The following FANCL variants were observed in gnomAD, a reference collection of about 807,000 sequenced individuals.
FANCL encodes E3 ubiquitin-protein ligase FANCL.
FANCL carries 69 observed loss-of-function variants against 59.4 expected under a neutral mutation model. That is an observed-to-expected ratio of 1.16 (90% CI 0.96 to 1.42). The LOEUF (loss-of-function observed/expected upper bound fraction) is 1.42. Ranked by LOEUF, FANCL falls within the 40% of genes most tolerant of loss-of-function variation. The probability of loss-of-function intolerance (pLI) is 0.00; values close to 1 mark genes in which losing one functional copy is unlikely to be tolerated. For missense variants in FANCL, 519 were observed against 447.2 expected, an observed-to-expected ratio of 1.16 and a Z score of -1.45; for synonymous variants, 180 against 147.1, an observed-to-expected ratio of 1.22 and a Z score of -1.62.
chr2:58,235,023 G>A (rs536882188), intron 1 of FANCL, among the ~76,000 whole-genome samples: 2 of 151,924 alleles, frequency 1.3e-5, no homozygotes, highest in Non-Finnish European at 2.9e-5. Context: ...TTCTATGATG[G>A]GAGTATTTTC....
At chr2:58,179,539 A>G (rs558634553) in intron 7 of FANCL, among the ~76,000 whole-genome samples, 64 of 152,356 alleles carry the variant, frequency 4.2e-4, no homozygotes, top group African/African-American at 1.5e-3. Context: ...CATATGCAGA[A>G]AACTCAAACG....
At chr2:58,197,488 T>C (rs987609975) in intron 7 of FANCL, among the ~76,000 whole-genome samples, 1 of 152,170 alleles carries the variant, frequency 6.6e-6, no homozygotes, top group African/African-American at 2.4e-5. Context: ...ATTTACTTGG[T>C]GAAAGAACTA....
Position 58,226,717 on chromosome 2 carries a change from A to AC in FANCL, c.273+10_273+11insG. 1.2e-6 allele frequency: 2 copies of AC among 1,612,182 alleles called. No individual in the cohort carries two copies. Among genetic ancestry groups the AC allele is most frequent in the Non-Finnish European group, 1.7e-6 (2 of 1,178,618 alleles). ...TATGGTAACAGTGTCAGAAAAAAAA[A>AC]AAATTCTTACCAAAAGCATCTTCAA... On this transcript the variant is annotated intron_variant, in intron 4 of 13. Coordinates refer to ENST00000233741, the MANE Select transcript of FANCL (RefSeq NM_018062.4).
intron 7 of FANCL, among the ~76,000 whole-genome samples, chr2:58,179,506 C>A (rs553485043): frequency 6.6e-6 from 1 of 151,986 alleles, no homozygotes; most frequent in Non-Finnish European, 1.5e-5. Context: ...ATTTATTAAA[C>A]GGTGTTGGGA....
chr2:58,198,644 C>G lies in FANCL; in HGVS notation c.490G>C (p.Asp164His). The G allele has an allele frequency of 6.2e-7, 1 of 1,613,726 alleles. No homozygotes were observed. Among genetic ancestry groups the G allele is most frequent in the Non-Finnish European group, 8.5e-7 (1 of 1,179,688 alleles). The part of the protein sequence containing the change: ...LKAKYPAESP[D>H]YFVDFPVPFC... The stretch of plus-strand genomic sequence containing the variant: ...GGAACAGGAAAATCCACAAAATAAT[C>G]TGGTGATTCTGCAGGATACTATTAA... The change falls in exon 7 of 14, where the codon GAT becomes CAT. Residue 164 changes from aspartate to histidine, a missense_variant. Transcript: ENST00000233741.
intron 5 of FANCL, among the ~76,000 whole-genome samples, chr2:58,219,919 A>G (rs562522528): frequency 1.4e-4 from 21 of 152,296 alleles, no homozygotes; most frequent in African/African-American, 5.1e-4. Flanking sequence ...ACATCCAAAC[A>G]TAAAATCCCT....
At chr2:58,231,125 C>A (rs1334342563) in intron 2 of FANCL, among the ~76,000 whole-genome samples, 2 of 152,144 alleles carry the variant, frequency 1.3e-5, no homozygotes, top group Non-Finnish European at 2.9e-5. Flanking sequence ...CTGGTCAATC[C>A]TTAGTCTCCT....
intron 7 of FANCL, among the ~76,000 whole-genome samples, chr2:58,171,752 G>A (rs1323752593): frequency 3.3e-5 from 5 of 152,204 alleles, no homozygotes; most frequent in African/African-American, 9.7e-5. Context: ...CAGACAGTGG[G>A]CGCAAGACAG....
rs534615419 is a variant in FANCL, at chr2:58,227,965, T to C, written c.217-1181A>G. On this transcript the variant is annotated intron_variant, in intron 3 of 13. Transcript: ENST00000233741. ...AGAGAAAGAAGAGGTATAGGAGTGA[T>C]GTGAGTGGGAAGAGGAGTATAAAAT... Among the ~76,000 whole-genome samples, 21 of 152,258 alleles carry C rather than the reference T, an allele frequency of 1.4e-4. No homozygotes were observed. In the South Asian group the frequency reaches 3.5e-3, roughly 26 times the overall value.
chr2:58,171,767 T>G, intron 7 of FANCL, among the ~76,000 whole-genome samples: 1 of 152,102 alleles, frequency 6.6e-6, no homozygotes, highest in East Asian at 1.9e-4. Flanking sequence ...AGACAGTGGG[T>G]GCAGTGCACC....
At chr2:58,202,387 T>A (rs1396809945) in intron 6 of FANCL, among the ~76,000 whole-genome samples, 2 of 145,968 alleles carry the variant, frequency 1.4e-5, no homozygotes, top group Non-Finnish European at 3.0e-5. Context: ...TTTTTTTTCC[T>A]AAAAAAAAAA....
chr2:58,162,481 G>A (rs1329073427), intron 11 of FANCL, among the ~76,000 whole-genome samples: 1 of 151,858 alleles, frequency 6.6e-6, no homozygotes, highest in African/African-American at 2.4e-5. Context: ...AACTGCACAG[G>A]TCTACTTATA....
chr2:58,182,520 A>T (rs1177137893), intron 7 of FANCL, among the ~76,000 whole-genome samples: 1 of 151,824 alleles, frequency 6.6e-6, no homozygotes, highest in Non-Finnish European at 1.5e-5. Flanking sequence ...TTCCTGCGAT[A>T]AATTTTGGAA....
intron 12 of FANCL, 28 bp from the exon 13 acceptor site, chr2:58,160,207 G>A (rs747428014): frequency 5.6e-6 from 9 of 1,605,336 alleles, no homozygotes; most frequent in Non-Finnish European, 6.8e-6. Context: ...TAAAGGAGAA[G>A]CGTCAGCATG....
intron 7 of FANCL, among the ~76,000 whole-genome samples, chr2:58,176,353 G>A (rs1263513374): frequency 3.3e-5 from 5 of 152,056 alleles, no homozygotes; most frequent in Admixed American, 6.5e-5. Context: ...CAAAGCTGGA[G>A]GCATCACGCT....
intron 7 of FANCL, among the ~76,000 whole-genome samples, chr2:58,178,125 A>C (rs2691672): frequency 5.3e-5 from 8 of 152,002 alleles, no homozygotes; most frequent in African/African-American, 1.9e-4. Flanking sequence ...AAAAGCCCAG[A>C]ACCACACAGA....
intron 12 of FANCL, among the ~76,000 whole-genome samples, chr2:58,160,660 G>A (rs1267365082): frequency 1.3e-5 from 2 of 152,126 alleles, no homozygotes; most frequent in South Asian, 2.1e-4. Flanking sequence ...GCATGAGCCA[G>A]TGAATTTTTA....
intron 7 of FANCL, among the ~76,000 whole-genome samples, chr2:58,171,150 A>T (rs886247102): frequency 5.3e-5 from 8 of 152,224 alleles, no homozygotes; most frequent in African/African-American, 1.7e-4. Flanking sequence ...AGCAAATGCA[A>T]AAGGATGGAA....
intron 7 of FANCL, among the ~76,000 whole-genome samples, chr2:58,170,237 T>C (rs1034921860): frequency 6.6e-6 from 1 of 152,218 alleles, no homozygotes; most frequent in African/African-American, 2.4e-5. Flanking sequence ...ATATTTAATA[T>C]TCTTAAAGAA....
Sources: gnomAD v4.1 joint callset for allele counts (sites outside exome capture counted in the v4.1 genomes callset) on GRCh38, gnomAD v4.1.1 for gene constraint, MANE v1.5 for transcripts, NCBI Gene and HGNC (gene_info 2026-07-23, HGNC 2026-07-21) for gene names.